ELP4: variants seen among roughly 807,000 people sequenced by gnomAD.
ELP4 encodes elongator complex protein 4.
A neutral mutation model predicts 48.9 loss-of-function variants in ELP4; 51 were observed. The ratio of observed to expected loss-of-function variants is 1.04; its 90% CI spans 0.83 to 1.32. The LOEUF (loss-of-function observed/expected upper bound fraction) is 1.32, where lower values mean the gene tolerates loss of function less well. Ranked by LOEUF, ELP4 falls within the 40% of genes most tolerant of loss-of-function variation. ELP4 has a pLI of 0.00. For synonymous variants in ELP4, 210 were observed against 189.2 expected, an observed-to-expected ratio of 1.11 and a Z score of -0.90; for missense variants, 519 against 514.6, an observed-to-expected ratio of 1.01 and a Z score of -0.08.
chr11:31,787,028 T>C lies in ELP4; in HGVS notation c.*3504T>C, dbSNP rs886048187. On this transcript the variant is annotated 3_prime_UTR_variant, in exon 10 of 10. Coordinates refer to ENST00000640961, the MANE Select transcript of ELP4 (RefSeq NM_019040.5). Reference sequence around the variant, plus strand: ...ATAAATATATGTATCGTTAAATAAATAATAAACAAAAATTATTTCAACAAT... The same window carrying C: ...ATAAATATATGTATCGTTAAATAAACAATAAACAAAAATTATTTCAACAAT... 2.8e-5 allele frequency: 3 copies of C among 105,634 alleles called. No homozygotes were observed. Among genetic ancestry groups the C allele is most frequent in the Non-Finnish European group, 3.2e-5 (2 of 61,964 alleles). 6.5% of individuals were successfully genotyped at this position (105,634 alleles called of 1,614,324 possible). A position where few individuals can be genotyped will look rare whatever the true frequency, so the allele number is the denominator to read the frequency against.
intron 9 of ELP4, among the ~76,000 whole-genome samples, chr11:31,715,932 A>G (rs1181610108): frequency 6.6e-6 from 1 of 152,224 alleles, no homozygotes; most frequent in Non-Finnish European, 1.5e-5. Flanking sequence ...TAAGGGATAT[A>G]GGAGTTTAGC....
In ELP4 at chr11:31,786,771, AT is replaced by A; in HGVS notation, c.*3248del. The stretch of plus-strand genomic sequence containing the variant: ...TAGGAGGCATAGCTTTGGGGGAAAA[AT>A]ATTCTAGAAATTCATTGCAGTAAAA... On this transcript the variant is annotated 3_prime_UTR_variant, in exon 10 of 10. Transcript: ENST00000640961. The A allele has an allele frequency of 9.0e-6, 2 of 221,864 alleles. No homozygotes were observed. The highest frequency in any genetic ancestry group is 1.3e-4 in the East Asian group (2 of 15,180). 13.7% of individuals were successfully genotyped at this position (221,864 alleles called of 1,614,324 possible). A position where few individuals can be genotyped will look rare whatever the true frequency, so the allele number is the denominator to read the frequency against.
chr11:31,606,500 A>T (rs1957878169), intron 5 of ELP4, among the ~76,000 whole-genome samples: 1 of 152,178 alleles, frequency 6.6e-6, no homozygotes, highest in East Asian at 1.9e-4. Flanking sequence ...AAAACTGCAG[A>T]TCATTTAAAA....
chr11:31,714,763 A>C (rs1277766403), intron 9 of ELP4: 1 of 398,448 alleles, frequency 2.5e-6, no homozygotes, highest in Non-Finnish European at 4.4e-6. Flanking sequence ...CTCCGTTTTC[A>C]AAGCGAGCAA....
chr11:31,754,320 T>G (rs1353375380), intron 9 of ELP4, among the ~76,000 whole-genome samples: 1 of 152,146 alleles, frequency 6.6e-6, no homozygotes, highest in African/African-American at 2.4e-5. Flanking sequence ...TTACTCTGAC[T>G]TACAAAGCTC....
At chr11:31,756,347 A>T (rs1375439561) in intron 9 of ELP4, among the ~76,000 whole-genome samples, 1 of 152,130 alleles carries the variant, frequency 6.6e-6, no homozygotes, top group Non-Finnish European at 1.5e-5. Flanking sequence ...GCCTCTGCCT[A>T]CTTCTCCATC....
chr11:31,572,866 A>T (rs1461692580), intron 3 of ELP4, among the ~76,000 whole-genome samples: 1 of 152,116 alleles, frequency 6.6e-6, no homozygotes, highest in South Asian at 2.1e-4. Context: ...TTAGCTGGGC[A>T]TGGTGGTGCA....
intron 9 of ELP4, among the ~76,000 whole-genome samples, chr11:31,696,875 A>G (rs1946419362): frequency 6.6e-6 from 1 of 152,084 alleles, no homozygotes; most frequent in Admixed American, 6.6e-5. Context: ...CAAATTGGAT[A>G]AAGAGTCAAG....
At chr11:31,781,803 T>C (rs1221583533) in intron 9 of ELP4, among the ~76,000 whole-genome samples, 1 of 152,170 alleles carries the variant, frequency 6.6e-6, no homozygotes, top group Non-Finnish European at 1.5e-5. Context: ...GGCCGATTCC[T>C]GAGCCTTTCA....
At chr11:31,518,199 C>T (rs1325153344) in intron 1 of ELP4, among the ~76,000 whole-genome samples, 1 of 150,552 alleles carries the variant, frequency 6.6e-6, no homozygotes, top group East Asian at 2.0e-4. Flanking sequence ...CTCCACCTTC[C>T]TGGTTCAAGC....
chr11:31,693,375 G>C (rs1385067275), intron 9 of ELP4, among the ~76,000 whole-genome samples: 1 of 151,400 alleles, frequency 6.6e-6, no homozygotes, highest in Non-Finnish European at 1.5e-5. Context: ...TGTTCTCATC[G>C]TTCAATTCCC....
chr11:31,667,900 A>G (rs1215838470), intron 9 of ELP4, among the ~76,000 whole-genome samples: 1 of 152,116 alleles, frequency 6.6e-6, no homozygotes. Flanking sequence ...ATCTTATCAT[A>G]CTCCGTTACT....
intron 9 of ELP4, among the ~76,000 whole-genome samples, chr11:31,782,689 G>A (rs1220567017): frequency 6.6e-6 from 1 of 152,028 alleles, no homozygotes; most frequent in Non-Finnish European, 1.5e-5. Flanking sequence ...GGATGGGCGG[G>A]GGTTGGGAGG....
At chr11:31,529,753 C>T (rs1956363295) in intron 2 of ELP4, among the ~76,000 whole-genome samples, 1 of 152,080 alleles carries the variant, frequency 6.6e-6, no homozygotes, top group South Asian at 2.1e-4. Context: ...AGAATAATGA[C>T]AGTAATAGTA....
At chr11:31,708,782 A>G (rs992318371) in intron 9 of ELP4, among the ~76,000 whole-genome samples, 7 of 152,272 alleles carry the variant, frequency 4.6e-5, no homozygotes, top group East Asian at 3.9e-4. Flanking sequence ...GTATATTCTG[A>G]ATCAAATATA....
At chr11:31,623,758 A>G (rs1944678352) in intron 5 of ELP4, among the ~76,000 whole-genome samples, 1 of 151,256 alleles carries the variant, frequency 6.6e-6, no homozygotes, top group Admixed American at 6.6e-5. Flanking sequence ...GTAACAATCA[A>G]CAGAGTAAAA....
chr11:31,641,709 A>G (rs918995541), intron 7 of ELP4, among the ~76,000 whole-genome samples: 1 of 151,750 alleles, frequency 6.6e-6, no homozygotes, highest in Non-Finnish European at 1.5e-5. Flanking sequence ...TCATTTTCCC[A>G]CCTGCCTCAG....
In ELP4 at chr11:31,789,495, G is replaced by A. The variant is rs1006460882; in HGVS notation, c.*5971G>A. 3.5e-6 allele frequency: 2 copies of A among 565,434 alleles called. No homozygotes were observed. Among genetic ancestry groups the A allele is most frequent in the Non-Finnish European group, 3.1e-6 (1 of 322,754 alleles). The allele number at this position is 565,434 out of a possible 1,614,324, so 35.0% of individuals were successfully genotyped here. A position where few individuals can be genotyped will look rare whatever the true frequency, so the allele number is the denominator to read the frequency against. On this transcript the variant is annotated 3_prime_UTR_variant, in exon 10 of 10. Transcript: ENST00000640961. Reference sequence around the variant, plus strand: ...CTTGGAACATCAGTCCATAAACTATGAACAGATGGGTAGAAGTATTCGATA... The same window carrying A: ...CTTGGAACATCAGTCCATAAACTATAAACAGATGGGTAGAAGTATTCGATA...
At chr11:31,539,099 G>T (rs945240709) in intron 2 of ELP4, among the ~76,000 whole-genome samples, 1 of 152,110 alleles carries the variant, frequency 6.6e-6, no homozygotes, top group South Asian at 2.1e-4. Context: ...TATGTGCAGG[G>T]GGTAATTTTG....
Sources: allele counts gnomAD v4.1 joint callset (sites outside exome capture counted in the v4.1 genomes callset), GRCh38; gene constraint gnomAD v4.1.1; transcripts MANE v1.5; gene names NCBI Gene and HGNC (gene_info 2026-07-23, HGNC 2026-07-21).